The following ATG10 variants were observed in gnomAD, a reference collection of about 807,000 sequenced individuals.
ATG10 encodes the protein ubiquitin-like-conjugating enzyme ATG10.
In ATG10, 30 loss-of-function variants were observed where a neutral mutation model predicts 32.1. That is an observed-to-expected ratio of 0.94 (90% CI 0.70 to 1.27). The LOEUF is 1.27. Ranked by LOEUF, ATG10 falls within the 50% of genes most tolerant of loss-of-function variation. The pLI is 0.00. For missense variants in ATG10, 233 were observed against 262.3 expected (o/e 0.89, Z 0.77); for synonymous variants, 87 against 91.5 (o/e 0.95, Z 0.28).
chr5:82,125,429 C>T (rs75955736), intron 3 of ATG10, among the ~76,000 whole-genome samples: 4 of 151,804 alleles, frequency 2.6e-5, no homozygotes, highest in African/African-American at 9.6e-5. Context: ...GGTCTTTAAT[C>T]CATCTTGAGT....
intron 2 of ATG10, among the ~76,000 whole-genome samples, chr5:82,019,772 C>T (rs777983258): frequency 9.9e-5 from 15 of 152,196 alleles, no homozygotes; most frequent in Admixed American, 2.0e-4. Flanking sequence ...CTGATTTGCT[C>T]ATCTGCTCTT....
chr5:82,180,218 C>T (rs1156674473), intron 5 of ATG10, among the ~76,000 whole-genome samples: 3 of 152,220 alleles, frequency 2.0e-5, no homozygotes, highest in Non-Finnish European at 4.4e-5. Context: ...TTCTACTCCT[C>T]TGCTCTATAC....
intron 1 of ATG10, among the ~76,000 whole-genome samples, chr5:81,983,011 C>A (rs958268466): frequency 2.0e-5 from 3 of 152,224 alleles, no homozygotes; most frequent in African/African-American, 7.2e-5. Context: ...CCTTTCCCCC[C>A]TTTCTATTCC....
chr5:82,168,613 G>A (rs949346570), intron 4 of ATG10, among the ~76,000 whole-genome samples: 1 of 152,122 alleles, frequency 6.6e-6, no homozygotes, highest in Admixed American at 6.5e-5. Context: ...AAAGGGTATA[G>A]AATTAAAAAT....
rs1269510137 is a variant in ATG10 at position 82,090,852 on chromosome 5, CT to C, written c.216+32251del. 8.5e-5 allele frequency among the ~76,000 whole-genome samples: 13 copies of C among 152,216 alleles called. No individual in the cohort carries two copies. In the South Asian group the frequency reaches 1.5e-3, roughly 17 times the overall value. ...TATATCTTACCTGTGTAAGTATAAT[CT>C]CAAGATTAAAAGTTTAATTAGAAAA... is the stretch of plus-strand genomic sequence containing the variant. On this transcript the variant is annotated intron_variant, in intron 3 of 7. Coordinates refer to ENST00000282185, the MANE Select transcript of ATG10 (RefSeq NM_031482.5).
intron 3 of ATG10, among the ~76,000 whole-genome samples, chr5:82,154,692 T>C (rs921621512): frequency 3.9e-5 from 6 of 152,228 alleles, no homozygotes; most frequent in African/African-American, 1.4e-4. Context: ...AGCTTAATGT[T>C]GCTCTCATTA....
intron 5 of ATG10, among the ~76,000 whole-genome samples, chr5:82,197,720 T>TTCTATCTATCTATCTA (rs10586711): frequency 2.3e-4 from 33 of 143,936 alleles, no homozygotes; most frequent in African/African-American, 3.1e-4. Context: ...CTTTCTTTCT[T>TTCTATCTATCTATCTA]TCTATCTATC....
intron 3 of ATG10, among the ~76,000 whole-genome samples, chr5:82,103,664 T>C (rs970586247): frequency 1.3e-4 from 19 of 151,932 alleles, no homozygotes; most frequent in African/African-American, 4.4e-4. Context: ...AATGTATGCC[T>C]TGGGTGGGTT....
At chr5:82,183,367 T>G (rs1452180185) in intron 5 of ATG10, among the ~76,000 whole-genome samples, 3 of 151,776 alleles carry the variant, frequency 2.0e-5, no homozygotes, top group African/African-American at 7.2e-5. Flanking sequence ...AAACAGGTTG[T>G]TTGTTCTGTA....
intron 5 of ATG10, among the ~76,000 whole-genome samples, chr5:82,233,026 C>T (rs932411577): frequency 6.6e-6 from 1 of 152,112 alleles, no homozygotes; most frequent in African/African-American, 2.4e-5. Flanking sequence ...CTGAAATGTT[C>T]TTCTTCAGGT....
chr5:82,100,000 G>GTTTTTTT lies in ATG10; in HGVS notation c.216+41418_216+41424dup, dbSNP rs869311526. ...CTGATTTCTTTCTTTCTTTTTCTGT[G>GTTTTTTT]TTTTTTTTTTTTTTTTTTTTTTTTT... is the stretch of plus-strand genomic sequence containing the variant. On this transcript the variant is annotated intron_variant, in intron 3 of 7. Coordinates refer to ENST00000282185, the MANE Select transcript of ATG10 (RefSeq NM_031482.5). Among the ~76,000 whole-genome samples the GTTTTTTT allele has an allele frequency of 4.2e-4, 25 of 58,940 alleles. 5 individuals carry two copies. The highest frequency in any genetic ancestry group is 7.5e-4 in the Non-Finnish European group (24 of 32,138). 38.7% of individuals were successfully genotyped at this position (58,940 alleles called of 152,430 possible).
rs1747313294 is a variant in ATG10 at position 82,252,626 on chromosome 5, C to T, written c.518C>T (p.Thr173Ile). ...CCCTGCAAGACGAATGAATTCATGA[C>T]TCCTGTATTAAAGAATTCTCAGAAA... is the stretch of plus-strand genomic sequence containing the variant. ...LHPCKTNEFM[T>I]PVLKNSQKIN... Residue 173 changes from threonine (T) to isoleucine (I), a missense_variant, in exon 6 of 8, where the codon ACT (threonine) becomes ATT (isoleucine). Coordinates refer to ENST00000282185, the MANE Select transcript of ATG10 (RefSeq NM_031482.5). 6 of 1,603,742 alleles carry T rather than the reference C, an allele frequency of 3.7e-6. No homozygotes were observed. In the East Asian group the frequency reaches 1.3e-4, roughly 36 times the overall value.
At chr5:82,084,008 G>A (rs1053078654) in intron 3 of ATG10, among the ~76,000 whole-genome samples, 5 of 152,212 alleles carry the variant, frequency 3.3e-5, no homozygotes, top group Admixed American at 2.0e-4. Flanking sequence ...GAAGGCTTCA[G>A]ACGATCGGTA....
At chr5:82,115,656 C>T (rs1027462234) in intron 3 of ATG10, among the ~76,000 whole-genome samples, 3 of 152,044 alleles carry the variant, frequency 2.0e-5, no homozygotes, top group African/African-American at 7.2e-5. Context: ...ATACTTTAAA[C>T]ACATAGTTCT....
intron 2 of ATG10, among the ~76,000 whole-genome samples, chr5:82,044,654 G>A (rs934306026): frequency 3.3e-5 from 5 of 152,130 alleles, no homozygotes; most frequent in East Asian, 3.9e-4. Context: ...CCTGAACAGC[G>A]TTTAGACTAG....
chr5:82,156,733 C>T (rs1021806558), intron 3 of ATG10, among the ~76,000 whole-genome samples: 1 of 152,178 alleles, frequency 6.6e-6, no homozygotes, highest in Non-Finnish European at 1.5e-5. Flanking sequence ...CCCTCTTCCT[C>T]TAGTTTGTCA....
intron 5 of ATG10, among the ~76,000 whole-genome samples, chr5:82,211,885 G>A (rs1745506465): frequency 6.6e-6 from 1 of 151,328 alleles, no homozygotes; most frequent in Non-Finnish European, 1.5e-5. Flanking sequence ...TATGGCCCAG[G>A]CCAATAATCA....
At chr5:82,040,650 ATACAT>A (rs1419884719) in intron 2 of ATG10, among the ~76,000 whole-genome samples, 2 of 152,226 alleles carry the variant, frequency 1.3e-5, no homozygotes, top group Non-Finnish European at 2.9e-5. Context: ...CTAGAGGAAA[ATACAT>A]TACAGTTTAA....
intron 2 of ATG10, among the ~76,000 whole-genome samples, chr5:82,012,953 AT>A (rs1434609286): frequency 6.8e-6 from 1 of 147,980 alleles, no homozygotes. Context: ...CCATTGTATC[AT>A]TCTTTCATTC....
Sources: gnomAD v4.1 joint callset for allele counts (sites outside exome capture counted in the v4.1 genomes callset) on GRCh38, gnomAD v4.1.1 for gene constraint, MANE v1.5 for transcripts, NCBI Gene and HGNC (gene_info 2026-07-23, HGNC 2026-07-21) for gene names.